Variants in CNTNAP2 observed in about 807,000 individuals in gnomAD.
CNTNAP2 encodes contactin associated protein 2.
A neutral mutation model predicts 155.2 loss-of-function variants in CNTNAP2; 98 were observed. That is an observed-to-expected ratio of 0.63 (90% CI 0.54 to 0.75). The LOEUF (loss-of-function observed/expected upper bound fraction) is 0.75. Among genes scored for constraint, CNTNAP2 ranks in the 30% least tolerant of loss-of-function variants. CNTNAP2 has a pLI of 0.00. For missense variants in CNTNAP2, 1,727 were observed against 1,688.1 expected (o/e 1.02, Z -0.40); for synonymous variants, 651 against 631.2 (o/e 1.03, Z -0.47).
chr7:147,731,047 C>T (rs1431489440), intron 13 of CNTNAP2, among the ~76,000 whole-genome samples: 3 of 152,062 alleles, frequency 2.0e-5, no homozygotes, highest in Admixed American at 2.0e-4. Context: ...TTGAAGCTAG[C>T]AGAGTTGGTT....
intron 3 of CNTNAP2, among the ~76,000 whole-genome samples, chr7:146,896,000 G>C (rs189248998): frequency 2.6e-5 from 4 of 152,080 alleles, no homozygotes; most frequent in Non-Finnish European, 4.4e-5. Flanking sequence ...TCAAGTAAGA[G>C]TTTTGGATAA....
chr7:146,845,445 T>A (rs1456441649), intron 3 of CNTNAP2, among the ~76,000 whole-genome samples: 1 of 152,212 alleles, frequency 6.6e-6, no homozygotes, highest in Non-Finnish European at 1.5e-5. Flanking sequence ...TAATTCCTAT[T>A]GGGATATTTA....
chr7:146,958,407 G>GTTT lies in CNTNAP2; in HGVS notation c.403-85478_403-85476dup, dbSNP rs71165054. ...TTTTTCTTCACAACACATTTTTATG[G>GTTT]TTTTTTTTTTTTTTTTTTTTTTTTG... On this transcript the variant is annotated intron_variant, in intron 3 of 23. Coordinates refer to ENST00000361727, the MANE Select transcript of CNTNAP2 (RefSeq NM_014141.6). 7.1e-3 allele frequency among the ~76,000 whole-genome samples: 552 copies of GTTT among 78,056 alleles called. 4 individuals are homozygous for GTTT. The highest frequency in any genetic ancestry group is 0.015 in the Middle Eastern group (1 of 66). 51.2% of individuals were successfully genotyped at this position (78,056 alleles called of 152,430 possible).
intron 1 of CNTNAP2, among the ~76,000 whole-genome samples, chr7:146,270,494 A>T (rs1441379142): frequency 6.6e-6 from 1 of 152,200 alleles, no homozygotes; most frequent in Non-Finnish European, 1.5e-5. Context: ...TGATTAGCCC[A>T]TTCCATTTTA....
chr7:147,262,837 A>G (rs1804521759), intron 8 of CNTNAP2, among the ~76,000 whole-genome samples: 1 of 152,132 alleles, frequency 6.6e-6, no homozygotes, highest in Non-Finnish European at 1.5e-5. Context: ...GAAGGTACCC[A>G]AGTACAAGGA....
At chr7:146,428,386 T>A (rs936305076) in intron 1 of CNTNAP2, among the ~76,000 whole-genome samples, 2 of 152,154 alleles carry the variant, frequency 1.3e-5, no homozygotes, top group African/African-American at 4.8e-5. Context: ...TTCCTTTTTT[T>A]ATCCAAAACC....
intron 9 of CNTNAP2, among the ~76,000 whole-genome samples, chr7:147,333,863 T>G (rs2116846771): frequency 6.6e-6 from 1 of 152,236 alleles, no homozygotes; most frequent in South Asian, 2.1e-4. Flanking sequence ...GGCATAACTG[T>G]TAGGCACAGG....
At chr7:147,934,335 A>G (rs1585036618) in intron 14 of CNTNAP2, among the ~76,000 whole-genome samples, 1 of 152,210 alleles carries the variant, frequency 6.6e-6, no homozygotes, top group South Asian at 2.1e-4. Flanking sequence ...GCAGAAGGCA[A>G]GGAAGAGCAA....
intron 1 of CNTNAP2, among the ~76,000 whole-genome samples, chr7:146,160,984 C>T (rs1166012440): frequency 6.6e-6 from 1 of 152,182 alleles, no homozygotes; most frequent in Non-Finnish European, 1.5e-5. Flanking sequence ...TCCAGCAGCA[C>T]ATCAAAAAGC....
intron 4 of CNTNAP2, among the ~76,000 whole-genome samples, chr7:147,090,681 A>T (rs1027056205): frequency 1.3e-5 from 2 of 152,168 alleles, no homozygotes; most frequent in African/African-American, 4.8e-5. Flanking sequence ...ACACCTTCCA[A>T]TTGTTTATTA....
chr7:148,131,086 TC>T (rs1804822263), intron 16 of CNTNAP2, among the ~76,000 whole-genome samples: 2 of 146,030 alleles, frequency 1.4e-5, no homozygotes, highest in Non-Finnish European at 3.0e-5. Context: ...CTTTTCTTCT[TC>T]TTTTTTTTTT....
At chr7:148,379,510 C>T (rs868066123) in intron 21 of CNTNAP2, among the ~76,000 whole-genome samples, 5 of 151,966 alleles carry the variant, frequency 3.3e-5, no homozygotes, top group African/African-American at 9.6e-5. Context: ...TTGGGACCAA[C>T]CTGGGTAACA....
intron 15 of CNTNAP2, among the ~76,000 whole-genome samples, chr7:148,024,526 C>T (rs1389202406): frequency 6.6e-6 from 1 of 152,180 alleles, no homozygotes; most frequent in African/African-American, 2.4e-5. Context: ...CTCTAGGAAA[C>T]CCAGCTTTGT....
intron 9 of CNTNAP2, among the ~76,000 whole-genome samples, chr7:147,346,150 T>TTA (rs1456832660): frequency 5.6e-5 from 4 of 70,800 alleles, no homozygotes; most frequent in African/African-American, 2.0e-4. Flanking sequence ...TTTATTTTAT[T>TTA]TTATTTTTTT....
chr7:148,406,456 C>T (rs572436183), intron 22 of CNTNAP2, among the ~76,000 whole-genome samples: 14 of 152,268 alleles, frequency 9.2e-5, no homozygotes, highest in African/African-American at 1.7e-4. Flanking sequence ...CCTAAAAGGG[C>T]TCCTCCTCCC....
At chr7:147,905,897 AC>A (rs1457003210) in intron 14 of CNTNAP2, among the ~76,000 whole-genome samples, 1,653 of 150,840 alleles carry the variant, frequency 0.011, 87 homozygotes, top group Admixed American at 0.091. Context: ...ATCTCAAAAA[AC>A]AAACAAACAA....
chr7:146,291,590 A>C (rs1002309084), intron 1 of CNTNAP2, among the ~76,000 whole-genome samples: 7 of 152,210 alleles, frequency 4.6e-5, no homozygotes, highest in African/African-American at 1.7e-4. Flanking sequence ...AAACAGCTGA[A>C]GGCAGGGATG....
intron 11 of CNTNAP2, among the ~76,000 whole-genome samples, chr7:147,517,802 A>G (rs1356574098): frequency 1.7e-5 from 2 of 114,348 alleles, no homozygotes; most frequent in Non-Finnish European, 4.2e-5. Context: ...GTAACAATGA[A>G]TGGAATTAAC....
chr7:147,680,345 C>T (rs1022161773), intron 13 of CNTNAP2, among the ~76,000 whole-genome samples: 2 of 151,908 alleles, frequency 1.3e-5, no homozygotes, highest in African/African-American at 4.8e-5. Context: ...AGGGCCACTA[C>T]AATAGCAATG....
Sources: allele counts gnomAD v4.1 joint callset (sites outside exome capture counted in the v4.1 genomes callset), GRCh38; gene constraint gnomAD v4.1.1; transcripts MANE v1.5; gene names NCBI Gene and HGNC (gene_info 2026-07-23, HGNC 2026-07-21).